The following CLPX variants were observed in gnomAD, a reference collection of about 807,000 sequenced individuals.
CLPX encodes the protein ATP-dependent clpX-like chaperone, mitochondrial.
In CLPX, 34 loss-of-function variants were observed where a neutral mutation model predicts 76.4. That is an observed-to-expected ratio of 0.45 (90% CI 0.34 to 0.59). The LOEUF is 0.59. Ranked by LOEUF, CLPX falls within the 20% of genes least tolerant of loss-of-function variation. The probability of loss-of-function intolerance (pLI) is 0.01; values close to 1 mark genes in which losing one functional copy is unlikely to be tolerated. For synonymous variants in CLPX, 248 were observed against 270.9 expected, an observed-to-expected ratio of 0.92 and a Z score of 0.83; for missense variants, 613 against 757.0, an observed-to-expected ratio of 0.81 and a Z score of 2.23.
chr15:65,184,952 C>T (rs2088235158), intron 1 of CLPX, 123 bp downstream of exon 1: 1 of 797,906 alleles, frequency 1.3e-6, no homozygotes, highest in Non-Finnish European at 2.1e-6. Flanking sequence ...GGCGAAGCGC[C>T]GCGCATTCCC....
chr15:65,148,662 T>A lies in CLPX; in HGVS notation c.*2161A>T, dbSNP rs1428151907. ...AAGCCCAACTCTTCATCAACAAGAT[T>A]TAGAATTTCCTAATAGCTTTAGTTT... is the stretch of plus-strand genomic sequence containing the variant. On this transcript the variant is annotated 3_prime_UTR_variant, in exon 14 of 14. Transcript: ENST00000300107. 1 of 152,094 alleles carries A rather than the reference T, an allele frequency of 6.6e-6. No individual in the cohort carries two copies. Among genetic ancestry groups the A allele is most frequent in the African/African-American group, 2.4e-5 (1 of 41,426 alleles). 9.4% of individuals were successfully genotyped at this position (152,094 alleles called of 1,614,324 possible).
intron 6 of CLPX, among the ~76,000 whole-genome samples, chr15:65,161,758 A>G (rs905858783): frequency 5.3e-5 from 8 of 152,136 alleles, no homozygotes; most frequent in African/African-American, 1.9e-4. Context: ...TCTTATATAC[A>G]ATCTAATTCT....
intron 7 of CLPX, chr15:65,158,209 A>G (rs2087813626): frequency 3.2e-6 from 1 of 308,806 alleles, no homozygotes; most frequent in East Asian, 6.6e-5. Context: ...TTTTATAGAG[A>G]TAGAGTCTTG....
intron 13 of CLPX, 102 bp from the exon 14 acceptor site, chr15:65,151,015 C>G (rs1275100133): frequency 2.8e-6 from 2 of 725,856 alleles, no homozygotes; most frequent in Non-Finnish European, 4.6e-6. Context: ...CTAAGAAAGC[C>G]ACGATAATAG....
rs1251447938 is a variant in CLPX at position 65,157,853 on chromosome 15, C to T, written c.950G>A (p.Cys317Tyr). 1 of 1,613,370 alleles carries T rather than the reference C, an allele frequency of 6.2e-7. No homozygotes were observed. The highest frequency in any genetic ancestry group is 2.2e-5 in the East Asian group (1 of 44,836). The change falls in exon 8 of 14, where the codon TGT (cysteine) becomes TAT (tyrosine). Residue 317 changes from cysteine to tyrosine, a missense_variant. Physicochemically the swap from Cys to Tyr is radical, Grantham distance 194 (BLOSUM62 -2). Transcript: ENST00000300107. ...AGCCTGAGTCAAAGTTGTACAGTCA[C>T]AGATAGCAAAAGGGACATCAAGGCA... Reference protein sequence around the residue: ...AKCLDVPFAICDCTTLTQAGY... With the variant: ...AKCLDVPFAIYDCTTLTQAGY...
chr15:65,166,441 T>C (rs1361404174), intron 4 of CLPX, among the ~76,000 whole-genome samples, 190 bp downstream of exon 4: 3 of 152,074 alleles, frequency 2.0e-5, no homozygotes, highest in Admixed American at 6.6e-5. Flanking sequence ...AATCATAACA[T>C]GGGAAAAAGC....
chr15:65,153,472 GA>G, intron 12 of CLPX, 74 bp downstream of exon 12: 1 of 931,064 alleles, frequency 1.1e-6, no homozygotes. Context: ...TTTTCCAAAA[GA>G]AAAACAGGGA....
chr15:65,165,602 G>A (rs2087901830), intron 4 of CLPX, among the ~76,000 whole-genome samples: 2 of 151,408 alleles, frequency 1.3e-5, no homozygotes, highest in South Asian at 4.2e-4. Flanking sequence ...AGCCAGGATG[G>A]TCTCGATCTC....
intron 13 of CLPX, 36 bp downstream of exon 13, chr15:65,152,394 A>AT: frequency 9.6e-7 from 1 of 1,041,422 alleles, no homozygotes; most frequent in South Asian, 2.1e-5. Context: ...CTCATCTTAA[A>AT]TTTTGTATCT....
intron 5 of CLPX, among the ~76,000 whole-genome samples, chr15:65,163,138 G>A (rs1479226058): frequency 6.6e-6 from 1 of 152,084 alleles, no homozygotes; most frequent in Non-Finnish European, 1.5e-5. Flanking sequence ...TGAGGTGGGA[G>A]GATCACTGGA....
rs2087733467 is a variant in CLPX, at chr15:65,152,443, G to C, written c.1798C>G (p.Pro600Ala). ...DKEVVEGKKE[P>A]GYIRAPTKES... ...AATACACTTTACCGGATGTATCCTG[G>C]TTCCTTTTTTCCTTCTACTACTTCT... The change falls in exon 13 of 14, where the codon CCA becomes GCA. Residue 600 changes from proline to alanine, a missense_variant. Physicochemically the swap from Pro to Ala is conservative, Grantham distance 27 (BLOSUM62 -1). Around this residue, in one of 2 missense-constraint regions of CLPX, gnomAD observed 450 missense variants for 638.6 expected, o/e 0.70. Coordinates refer to ENST00000300107, the MANE Select transcript of CLPX (RefSeq NM_006660.5). 6.5e-7 allele frequency: 1 copy of C among 1,535,642 alleles called. No homozygotes were observed. The highest frequency in any genetic ancestry group is 8.8e-7 in the Non-Finnish European group (1 of 1,137,764).
chr15:65,178,927 T>C lies in CLPX; in HGVS notation c.358+7A>G. The C allele has an allele frequency of 2.8e-6, 4 of 1,447,086 alleles. No homozygotes were observed. In the East Asian group the frequency reaches 6.9e-5, roughly 25 times the overall value. 89.6% of individuals were successfully genotyped at this position (1,447,086 alleles called of 1,614,324 possible). A position where few individuals can be genotyped will look rare whatever the true frequency, so the allele number is the denominator to read the frequency against. On this transcript the variant is annotated splice_region_variant and intron_variant, in intron 3 of 13. Coordinates refer to ENST00000300107, the MANE Select transcript of CLPX (RefSeq NM_006660.5). ...GAAAAAAGAACAGTAGAAGATGTAA[T>C]ACTTACATACAAAGGTCTCTACATG...
At chr15:65,156,956 T>A (rs1566979632) in intron 8 of CLPX, 24 bp from the exon 9 acceptor site, 1 of 1,501,248 alleles carries the variant, frequency 6.7e-7, no homozygotes, top group African/African-American at 1.4e-5. Flanking sequence ...AGGATTCTAT[T>A]TATAATACGA....
intron 3 of CLPX, among the ~76,000 whole-genome samples, chr15:65,175,649 C>A (rs770193186): frequency 6.6e-6 from 1 of 152,156 alleles, no homozygotes; most frequent in Non-Finnish European, 1.5e-5. Flanking sequence ...TACATGAAAT[C>A]TGAAATCTGA....
chr15:65,158,086 T>G (rs1160414156), intron 7 of CLPX, 176 bp from the exon 8 acceptor site: 1 of 529,208 alleles, frequency 1.9e-6, no homozygotes, highest in Non-Finnish European at 3.2e-6. Flanking sequence ...CAGGCTGGAG[T>G]GCAGCCTGTG....
At chr15:65,158,000 A>G (rs924075826) in intron 7 of CLPX, 90 bp from the exon 8 acceptor site, 1 of 1,172,540 alleles carries the variant, frequency 8.5e-7, no homozygotes, top group African/African-American at 1.6e-5. Context: ...TTAGTAGTAT[A>G]TAATAAAAAG....
intron 3 of CLPX, among the ~76,000 whole-genome samples, chr15:65,168,898 C>G: frequency 6.6e-6 from 1 of 151,308 alleles, no homozygotes; most frequent in Non-Finnish European, 1.5e-5. Context: ...GCTCTGTTGC[C>G]CAGGCTGAAG....
chr15:65,170,742 C>T (rs574152367), intron 3 of CLPX, among the ~76,000 whole-genome samples: 3 of 151,990 alleles, frequency 2.0e-5, no homozygotes, highest in South Asian at 2.1e-4. Flanking sequence ...TATACTCCAG[C>T]CTAGGCAACA....
intron 1 of CLPX, 22 bp from the exon 2 acceptor site, chr15:65,180,226 C>T (rs754373855): frequency 1.3e-6 from 2 of 1,562,348 alleles, no homozygotes; most frequent in Non-Finnish European, 1.7e-6. Context: ...AGGAAATCTA[C>T]ATCAAATATA....
Sources: gnomAD v4.1 joint callset for allele counts (sites outside exome capture counted in the v4.1 genomes callset) on GRCh38, gnomAD v4.1.1 for gene constraint, gnomAD v4.1.1 regional missense constraint, MANE v1.5 for transcripts, NCBI Gene and HGNC (gene_info 2026-07-23, HGNC 2026-07-21) for gene names.